The following LAMP1 variants were observed in gnomAD, a reference collection of about 807,000 sequenced individuals.
LAMP1 encodes lysosome associated membrane protein 1.
LAMP1 carries 7 observed loss-of-function variants against 37.5 expected under a neutral mutation model. The observed-to-expected ratio is 0.19, with a 90% confidence interval of 0.11 to 0.35. The LOEUF (loss-of-function observed/expected upper bound fraction) is 0.35. LAMP1 is among the 10% of genes least tolerant of loss of function. The pLI, the probability that LAMP1 is intolerant of heterozygous loss-of-function variation, is 1.00. For synonymous variants in LAMP1, 236 were observed against 229.1 expected, an observed-to-expected ratio of 1.03 and a Z score of -0.27; for missense variants, 537 against 552.8, an observed-to-expected ratio of 0.97 and a Z score of 0.29.
chr13:113,322,524 A>G lies in LAMP1; in HGVS notation c.*103A>G, dbSNP rs184906622. ...ACACTTTCTGGCAAACGTTTCTCAA[A>G]TCTGCTTCATCCAATGTGAAGTTCA... On this transcript the variant is annotated 3_prime_UTR_variant, in exon 9 of 9. Coordinates refer to ENST00000332556, the MANE Select transcript of LAMP1 (RefSeq NM_005561.4). 9.3e-7 allele frequency: 1 copy of G among 1,069,926 alleles called. No individual in the cohort carries two copies. Among genetic ancestry groups the G allele is most frequent in the Admixed American group, 2.6e-5 (1 of 39,082 alleles). 66.3% of individuals were successfully genotyped at this position (1,069,926 alleles called of 1,614,324 possible).
chr13:113,309,695 C>T lies in LAMP1; in HGVS notation c.236C>T (p.Ser79Phe). 6.2e-7 allele frequency: 1 copy of T among 1,614,160 alleles called. No individual in the cohort carries two copies. The highest frequency in any genetic ancestry group is 1.1e-5 in the South Asian group (1 of 91,080). Reference protein sequence around the residue: ...SDATVVLNRSSCGKENTSDPS... With the variant: ...SDATVVLNRSFCGKENTSDPS... Reference sequence around the variant, plus strand: ...GCCACAGTGGTGCTCAACCGCAGCTCCTGTGGAAAAGAGAACACTTCTGAC... The same window carrying T: ...GCCACAGTGGTGCTCAACCGCAGCTTCTGTGGAAAAGAGAACACTTCTGAC... The change falls in exon 3 of 9, where the codon TCC becomes TTC. Residue 79 changes from serine (S) to phenylalanine (F), a missense_variant. Transcript: ENST00000332556.
chr13:113,322,183 CTT>C, intron 8 of LAMP1, 97 bp from the exon 9 acceptor site: 2 of 1,379,074 alleles, frequency 1.5e-6, no homozygotes, highest in South Asian at 2.8e-5. Flanking sequence ...CAGGGTTCCT[CTT>C]TGCCTTTTGG....
chr13:113,301,968 TTCTCCTGCC>T lies in LAMP1; in HGVS notation c.61+4476_61+4484del, dbSNP rs141223079. Among the ~76,000 whole-genome samples the T allele has an allele frequency of 8.1e-3, 1,217 of 150,002 alleles. 61 individuals are homozygous for T. In the East Asian group the frequency reaches 0.13, roughly 16 times the overall value. On this transcript the variant is annotated intron_variant, in intron 1 of 8. Coordinates refer to ENST00000332556, the MANE Select transcript of LAMP1 (RefSeq NM_005561.4). ...AGCTCCGCCTCCCAGGTTCACGCCATTCTCCTGCCTCAGCCTCCCGAGTACCAGGGATTA... is the reference window on the plus strand; with the variant it reads ...AGCTCCGCCTCCCAGGTTCACGCCATTCAGCCTCCCGAGTACCAGGGATTA...
intron 4 of LAMP1, among the ~76,000 whole-genome samples, chr13:113,317,696 CTT>C (rs1223185402): frequency 6.7e-4 from 89 of 133,292 alleles, no homozygotes; most frequent in African/African-American, 1.4e-3. Flanking sequence ...CGTGAAGCTG[CTT>C]TTTTTTTTTT....
Position 113,309,113 on chromosome 13 carries a change from TTTGTTTGGAGACAGAGTC to T in LAMP1, c.184-526_184-509del, listed in dbSNP as rs1348454281. 5.3e-5 allele frequency among the ~76,000 whole-genome samples: 8 copies of T among 152,192 alleles called. No individual in the cohort carries two copies. The East Asian group carries it at 1.5e-3, about 29-fold the overall frequency. On this transcript the variant is annotated intron_variant, in intron 2 of 8. Transcript: ENST00000332556. ...AAATGAATTTATGGGGTTGTTTTGT[TTTGTTTGGAGACAGAGTC>T]TTGCTCTGTTGCCCAGGCTGGAGTG... is the stretch of plus-strand genomic sequence containing the variant.
At chr13:113,308,794 G>T (rs925121977) in intron 2 of LAMP1, among the ~76,000 whole-genome samples, 5 of 151,956 alleles carry the variant, frequency 3.3e-5, no homozygotes, top group African/African-American at 1.2e-4. Flanking sequence ...GTGTAGTTTC[G>T]TGTTGTTTTT....
At chr13:113,303,989 G>A (rs924034074) in intron 1 of LAMP1, among the ~76,000 whole-genome samples, 19 of 152,136 alleles carry the variant, frequency 1.2e-4, no homozygotes, top group African/African-American at 4.3e-4. Flanking sequence ...GGAGGCTGAG[G>A]CACGAGAATC....
At position 113,301,637 on chromosome 13, in the gene LAMP1, AAAAAAAAATATATATATATATATAT is replaced by A. The variant is rs1396760908; in HGVS notation, c.61+4144_61+4168del. ...GACTCTGTTTCCATTTAAAAAAAAA[AAAAAAAAATATATATATATATATAT>A]ATATATATATATATATATATATATA... On this transcript the variant is annotated intron_variant, in intron 1 of 8. Transcript: ENST00000332556. 6.4e-3 allele frequency among the ~76,000 whole-genome samples: 167 copies of A among 26,144 alleles called. 3 individuals carry two copies. The highest frequency in any genetic ancestry group is 0.021 in the South Asian group (15 of 712). 17.2% of individuals were successfully genotyped at this position (26,144 alleles called of 152,430 possible).
In LAMP1 at chr13:113,320,401, C is replaced by T. The variant is rs761301142; in HGVS notation, c.807C>T (p.Cys269=). The part of the protein sequence containing the change: ...NPNKTSASGS[C]GAHLVTLELH... Reference sequence around the variant, plus strand: ...ACAAGACCTCGGCCAGCGGGAGCTGCGGCGCCCACCTGGTGACTCTGGAGC... The same window carrying T: ...ACAAGACCTCGGCCAGCGGGAGCTGTGGCGCCCACCTGGTGACTCTGGAGC... The change falls in exon 6 of 9, where the codon TGC becomes TGT. Residue 269 remains cysteine (C), a synonymous_variant. Coordinates refer to ENST00000332556, the MANE Select transcript of LAMP1 (RefSeq NM_005561.4). This position sits in a 1 kb window ranked among gnomAD's most constrained non-coding sequence, Gnocchi z 4.4. 95 of 1,612,966 alleles carry T rather than the reference C, an allele frequency of 5.9e-5. No homozygotes were observed. Among genetic ancestry groups the T allele is most frequent in the Non-Finnish European group, 7.4e-5 (87 of 1,179,950 alleles).
chr13:113,302,821 C>T (rs1248712353), intron 1 of LAMP1, among the ~76,000 whole-genome samples: 2 of 152,120 alleles, frequency 1.3e-5, no homozygotes, highest in African/African-American at 2.4e-5. Context: ...AGTCAGAAGA[C>T]CCCTTCTAGA....
chr13:113,304,050 G>A (rs1394980863), intron 1 of LAMP1, among the ~76,000 whole-genome samples: 1 of 152,120 alleles, frequency 6.6e-6, no homozygotes, highest in Non-Finnish European at 1.5e-5. Context: ...GGGCAAGAGT[G>A]AGACTCAGTC....
At position 113,321,349 on chromosome 13, in the gene LAMP1, AAGATC is replaced by A; in HGVS notation, c.877-53_877-49del. ...TAAATGTGTGAATCTACTGGGGTTA[AAGATC>A]ATCTTTCTATGAATCTGCTCCGTGA... On this transcript the variant is annotated intron_variant, in intron 6 of 8. Transcript: ENST00000332556. The surrounding 1 kb of genome is among the most constrained non-coding windows in gnomAD (Gnocchi z 5.6). The A allele has an allele frequency of 7.1e-7, 1 of 1,408,572 alleles. No homozygotes were observed. The highest frequency in any genetic ancestry group is 1.0e-6 in the Non-Finnish European group (1 of 992,638). 87.3% of individuals were successfully genotyped at this position (1,408,572 alleles called of 1,614,324 possible).
Position 113,320,391 on chromosome 13 carries a change from G to T in LAMP1, c.797G>T (p.Ser266Ile). The T allele has an allele frequency of 6.2e-7, 1 of 1,613,522 alleles. No homozygotes were observed. Residue 266 changes from serine (S) to isoleucine (I), a missense_variant, in exon 6 of 9, where the codon AGC becomes ATC. By Grantham distance (142) the Ser-to-Ile change is moderately radical. Coordinates refer to ENST00000332556, the MANE Select transcript of LAMP1 (RefSeq NM_005561.4). The surrounding 1 kb of genome is among the most constrained non-coding windows in gnomAD (Gnocchi z 4.4). Reference sequence around the variant, plus strand: ...ATCAACCCCAACAAGACCTCGGCCAGCGGGAGCTGCGGCGCCCACCTGGTG... The same window carrying T: ...ATCAACCCCAACAAGACCTCGGCCATCGGGAGCTGCGGCGCCCACCTGGTG... ...LNINPNKTSA[S>I]GSCGAHLVTL... is the part of the protein sequence containing the mutation.
At chr13:113,298,173 G>C (rs2042552623) in intron 1 of LAMP1, among the ~76,000 whole-genome samples, 1 of 152,212 alleles carries the variant, frequency 6.6e-6, no homozygotes. Flanking sequence ...CAATGTTCAT[G>C]TCTAGTAAGT....
chr13:113,314,444 G>C (rs898198138), intron 4 of LAMP1, among the ~76,000 whole-genome samples: 1 of 97,492 alleles, frequency 1.0e-5, no homozygotes, highest in Non-Finnish European at 1.9e-5. Context: ...ATGCCCGTGT[G>C]CCTGGGGCGT....
In LAMP1 at chr13:113,321,589, C is replaced by T; in HGVS notation, c.976C>T (p.Arg326Ter). 6.2e-7 allele frequency: 1 copy of T among 1,614,152 alleles called. No individual in the cohort carries two copies. Among genetic ancestry groups the T allele is most frequent in the Non-Finnish European group, 8.5e-7 (1 of 1,180,032 alleles). Residue 326 changes from arginine to a stop codon, truncating the protein, a stop_gained, in exon 8 of 9, where the codon CGA becomes TGA. Coordinates refer to ENST00000332556, the MANE Select transcript of LAMP1 (RefSeq NM_005561.4). LOFTEE classifies it high-confidence loss of function. This position sits in a 1 kb window ranked among gnomAD's most constrained non-coding sequence, Gnocchi z 5.6. ...CTTTAAAGCTGCCAACGGCTCCCTG[C>T]GAGCGCTGCAGGCCACAGTCGGCAA... ...PAFKAANGSL[R>*]ALQATVGNSY...
At chr13:113,313,513 A>C (rs2042642335) in intron 4 of LAMP1, among the ~76,000 whole-genome samples, 1 of 152,200 alleles carries the variant, frequency 6.6e-6, no homozygotes, top group South Asian at 2.1e-4. Context: ...GGAGGCAGCC[A>C]GTGTGGAGAT....
rs1044418502 is a variant in LAMP1 at position 113,321,635 on chromosome 13, A to G, written c.1022A>G (p.Glu341Gly). ...GGCAATTCCTACAAGTGCAACGCGGAGGAGCACGTCCGTGTCACGAAGGCG... is the reference window on the plus strand; with the variant it reads ...GGCAATTCCTACAAGTGCAACGCGGGGGAGCACGTCCGTGTCACGAAGGCG... ...TVGNSYKCNA[E>G]EHVRVTKAFS... The change falls in exon 8 of 9, where the codon GAG (glutamate) becomes GGG (glycine). Residue 341 changes from glutamate (E) to glycine (G), a missense_variant. Transcript: ENST00000332556. The surrounding 1 kb of genome is among the most constrained non-coding windows in gnomAD (Gnocchi z 5.6). The G allele has an allele frequency of 8.7e-6, 14 of 1,614,096 alleles. No homozygotes were observed. The highest frequency in any genetic ancestry group is 1.2e-5 in the Non-Finnish European group (14 of 1,180,056).
chr13:113,322,067 T>A, intron 8 of LAMP1: 1 of 593,702 alleles, frequency 1.7e-6, no homozygotes, highest in Non-Finnish European at 2.9e-6. Context: ...AGCCCCTGAT[T>A]CCAGACGGGG....
Sources: gnomAD v4.1 joint callset for allele counts (sites outside exome capture counted in the v4.1 genomes callset) on GRCh38, gnomAD v4.1.1 for gene constraint, Gnocchi (gnomAD v3.1) non-coding constraint, MANE v1.5 for transcripts, NCBI Gene and HGNC (gene_info 2026-07-23, HGNC 2026-07-21) for gene names.